Variants in CDH3 observed in about 807,000 individuals in gnomAD.
The protein encoded by CDH3 is cadherin-3.
Under a neutral mutation model 82.0 loss-of-function variants are expected in CDH3, and 54 were observed. The ratio of observed to expected loss-of-function variants is 0.66; its 90% CI spans 0.53 to 0.83. The LOEUF is 0.83. CDH3 is among the 40% of genes least tolerant of loss of function. The pLI is 0.00. For synonymous variants in CDH3, 446 were observed against 437.9 expected (o/e 1.02, Z -0.23); for missense variants, 1,054 against 1,084.6 (o/e 0.97, Z 0.40).
chr16:68,706,999 T>A (rs1431027683), intron 1 of CDH3, among the ~76,000 whole-genome samples: 1 of 151,918 alleles, frequency 6.6e-6, no homozygotes, highest in African/African-American at 2.4e-5. Flanking sequence ...AAGTGAAGCA[T>A]GGAGGAAAAT....
chr16:68,726,580 T>G (rs975486304), intron 2 of CDH3, among the ~76,000 whole-genome samples: 5 of 123,850 alleles, frequency 4.0e-5, no homozygotes, highest in Non-Finnish European at 6.5e-5. Flanking sequence ...TTTTTGGTTG[T>G]TTTTTTTTTT....
chr16:68,676,972 T>C (rs1236299143), intron 3 of CDH3, among the ~76,000 whole-genome samples: 1 of 152,196 alleles, frequency 6.6e-6, no homozygotes, highest in Non-Finnish European at 1.5e-5. Flanking sequence ...TTTGCCTCCA[T>C]TTGCCCAAAG....
chr16:68,654,657 C>T (rs764860589), intron 2 of CDH3, among the ~76,000 whole-genome samples: 26 of 139,830 alleles, frequency 1.9e-4, no homozygotes, highest in Non-Finnish European at 3.2e-4. Flanking sequence ...GAGCGGAGAT[C>T]GTGTCACTGC....
At chr16:68,727,130 T>A (rs1264734461) in intron 2 of CDH3, among the ~76,000 whole-genome samples, 1 of 152,166 alleles carries the variant, frequency 6.6e-6, no homozygotes, top group African/African-American at 2.4e-5. Flanking sequence ...ATTCACTCAC[T>A]TTCTCTCTCT....
At chr16:68,653,782 C>T (rs1173767137) in intron 2 of CDH3, among the ~76,000 whole-genome samples, 2 of 151,632 alleles carry the variant, frequency 1.3e-5, no homozygotes, top group African/African-American at 4.8e-5. Context: ...CTCCGCCTCC[C>T]AGGTTCATGC....
intron 1 of CDH3, among the ~76,000 whole-genome samples, chr16:68,714,278 G>T (rs1200386032): frequency 1.3e-5 from 2 of 152,070 alleles, no homozygotes; most frequent in Non-Finnish European, 2.9e-5. Context: ...GCCTAATTAT[G>T]TTCAGCCTCT....
chr16:68,670,217 C>A (rs1201625192), intron 2 of CDH3, among the ~76,000 whole-genome samples: 2 of 94,688 alleles, frequency 2.1e-5, no homozygotes, highest in Admixed American at 2.6e-4. Context: ...GAGCAAGACT[C>A]TGTCTCAAAA....
chr16:68,686,428 T>C (rs1365541573), intron 11 of CDH3: 3 of 1,381,960 alleles, frequency 2.2e-6, no homozygotes, highest in Non-Finnish European at 3.1e-6. Flanking sequence ...GACCGAGTAT[T>C]GGTTGAAAGG....
downstream of CDH3, among the ~76,000 whole-genome samples, chr16:68,729,794 G>A (rs1341592420): frequency 6.6e-6 from 1 of 151,928 alleles, no homozygotes; most frequent in Admixed American, 6.6e-5. Flanking sequence ...ACCACACCAG[G>A]CTATTTTTTT....
At chr16:68,719,341 T>C (rs1339582909) in intron 1 of CDH3, among the ~76,000 whole-genome samples, 1 of 151,162 alleles carries the variant, frequency 6.6e-6, no homozygotes, top group East Asian at 1.9e-4. Context: ...GAAAGAAACA[T>C]ATACAACAGG....
At chr16:68,645,467 TG>T in intron 1 of CDH3, 43 bp downstream of exon 1, 1 of 1,602,478 alleles carries the variant, frequency 6.2e-7, no homozygotes. Flanking sequence ...GACCGCTCCC[TG>T]GGGGGCGGGC....
At chr16:68,732,791 C>A in the CDH3 span, among the ~76,000 whole-genome samples, 1 of 152,206 alleles carries the variant, frequency 6.6e-6, no homozygotes, top group Non-Finnish European at 1.5e-5. Context: ...AGGTTAAAAG[C>A]CCTGGACAGC....
chr16:68,707,948 G>C lies in CDH3; in HGVS notation c.99+12025G>C, dbSNP rs1369734237. On this transcript the variant is annotated intron_variant, in intron 1 of 2. Transcript: ENST00000569080. This position sits in a 1 kb window ranked among gnomAD's most constrained non-coding sequence, Gnocchi z 4.5. ...TCCGGTAAACCACGGCCAGCCCACA[G>C]CTGACAGGGCAGGGCGCTGAGACCT... Among the ~76,000 whole-genome samples, 3 of 152,128 alleles carry C rather than the reference G, an allele frequency of 2.0e-5. No homozygotes were observed. The highest frequency in any genetic ancestry group is 4.4e-5 in the Non-Finnish European group (3 of 68,016).
chr16:68,704,575 G>T (rs1039972958), downstream of CDH3, among the ~76,000 whole-genome samples: 10 of 152,234 alleles, frequency 6.6e-5, no homozygotes, highest in African/African-American at 2.4e-4. Context: ...CAGCCCAAGC[G>T]CCAGGTCTGC....
downstream of CDH3, among the ~76,000 whole-genome samples, chr16:68,731,193 C>G (rs1047110136): frequency 1.7e-5 from 2 of 120,920 alleles, no homozygotes; most frequent in Admixed American, 1.9e-4. Flanking sequence ...AACCCTGTCT[C>G]TACTAAAAAT....
At chr16:68,657,804 C>G (rs1471716487) in intron 2 of CDH3, among the ~76,000 whole-genome samples, 1 of 152,140 alleles carries the variant, frequency 6.6e-6, no homozygotes, top group Non-Finnish European at 1.5e-5. Context: ...ATCTCAGTAG[C>G]CCCCCTTTTG....
intron 1 of CDH3, among the ~76,000 whole-genome samples, chr16:68,716,093 A>G (rs1962091707): frequency 6.6e-6 from 1 of 152,108 alleles, no homozygotes; most frequent in Non-Finnish European, 1.5e-5. Context: ...ACATGGTGAA[A>G]CCCCATCTCT....
chr16:68,687,561 T>C lies in CDH3; in HGVS notation c.1620T>C (p.Asp540=). 2 of 1,614,104 alleles carry C rather than the reference T, an allele frequency of 1.2e-6. No homozygotes were observed. Among genetic ancestry groups the C allele is most frequent in the Non-Finnish European group, 8.5e-7 (1 of 1,180,024 alleles). The change falls in exon 12 of 16, where the codon GAT becomes GAC. Residue 540 remains aspartate (D), a synonymous_variant. Transcript: ENST00000264012. ...GAACCCTTCTGCTAACACTGATTGATGTCAATGACCATGGCCCAGTCCCTG... is the reference window on the plus strand; with the variant it reads ...GAACCCTTCTGCTAACACTGATTGACGTCAATGACCATGGCCCAGTCCCTG... ...GTGTLLLTLI[D]VNDHGPVPEP...
chr16:68,645,616 C>T lies in CDH3; in HGVS notation c.46-20C>T. The T allele has an allele frequency of 2.0e-6, 3 of 1,536,732 alleles. No homozygotes were observed. The highest frequency in any genetic ancestry group is 2.4e-5 in the East Asian group (1 of 40,886). On this transcript the variant is annotated intron_variant, in intron 1 of 15. Coordinates refer to ENST00000264012, the MANE Select transcript of CDH3 (RefSeq NM_001793.6). ...GCACGCCTGGACCCAGCCTCCTTCA[C>T]TCTCTGCCCTCGGGCGCAGGTTTGC...
Sources: gnomAD v4.1 joint callset for allele counts (sites outside exome capture counted in the v4.1 genomes callset) on GRCh38, gnomAD v4.1.1 for gene constraint, Gnocchi (gnomAD v3.1) non-coding constraint, MANE v1.5 for transcripts, NCBI Gene and HGNC (gene_info 2026-07-23, HGNC 2026-07-21) for gene names.